The following MAN1A2 variants were observed in gnomAD, a reference collection of about 807,000 sequenced individuals.
MAN1A2 encodes the protein mannosyl-oligosaccharide 1,2-alpha-mannosidase IB.
Under a neutral mutation model 75.7 loss-of-function variants are expected in MAN1A2, and 26 were observed. That is an observed-to-expected ratio of 0.34 (90% CI 0.25 to 0.48). The LOEUF (loss-of-function observed/expected upper bound fraction) is 0.48, where lower values mean the gene tolerates loss of function less well. Among genes scored for constraint, MAN1A2 ranks in the 20% least tolerant of loss-of-function variants. MAN1A2 has a pLI of 0.99. For missense variants in MAN1A2, 562 were observed against 775.5 expected (o/e 0.72, Z 3.27); for synonymous variants, 247 against 264.6 (o/e 0.93, Z 0.65).
At chr1:117,466,208 AAC>A in intron 7 of MAN1A2, 124 bp from the exon 8 acceptor site, 22 of 587,692 alleles carry the variant, frequency 3.7e-5, no homozygotes, top group Admixed American at 1.1e-4. Context: ...CTGCCCCTCC[AAC>A]ACACACACAA....
intron 4 of MAN1A2, among the ~76,000 whole-genome samples, chr1:117,418,818 A>C (rs1648096357): frequency 6.6e-6 from 1 of 152,118 alleles, no homozygotes; most frequent in Admixed American, 6.6e-5. Flanking sequence ...TTACAAATGA[A>C]ACTATTTGAT....
intron 1 of MAN1A2, among the ~76,000 whole-genome samples, chr1:117,380,481 A>T (rs1199787505): frequency 3.9e-5 from 6 of 152,174 alleles, no homozygotes; most frequent in Non-Finnish European, 7.4e-5. Context: ...AAGATTTTTT[A>T]AAAAAGAGTT....
At chr1:117,405,743 C>A in intron 3 of MAN1A2, 98 bp downstream of exon 3, 1 of 769,332 alleles carries the variant, frequency 1.3e-6, no homozygotes, top group Non-Finnish European at 2.3e-6. Flanking sequence ...CTGAGTATTT[C>A]TGTGGAACTA....
intron 5 of MAN1A2, among the ~76,000 whole-genome samples, chr1:117,432,855 T>C (rs1463251885): frequency 2.0e-5 from 3 of 149,842 alleles, no homozygotes; most frequent in African/African-American, 7.3e-5. Flanking sequence ...TTAATACTTG[T>C]AAAGCATAGC....
chr1:117,461,855 C>T (rs577515292), intron 7 of MAN1A2, among the ~76,000 whole-genome samples: 1 of 152,110 alleles, frequency 6.6e-6, no homozygotes, highest in African/African-American at 2.4e-5. Flanking sequence ...CCTTTTTCCT[C>T]CCAGTGGAAC....
At chr1:117,461,227 T>C (rs956104312) in intron 7 of MAN1A2, among the ~76,000 whole-genome samples, 3 of 152,166 alleles carry the variant, frequency 2.0e-5, no homozygotes, top group African/African-American at 4.8e-5. Context: ...TGGAAAAGAA[T>C]GAAATCCTTT....
At chr1:117,520,558 C>T (rs183519000) in intron 12 of MAN1A2, among the ~76,000 whole-genome samples, 3 of 151,988 alleles carry the variant, frequency 2.0e-5, no homozygotes, top group East Asian at 3.9e-4. Flanking sequence ...AGAACTCAGC[C>T]GCTTTTACAA....
intron 5 of MAN1A2, among the ~76,000 whole-genome samples, chr1:117,428,645 T>C (rs1648460687): frequency 6.6e-6 from 1 of 151,920 alleles, no homozygotes; most frequent in Non-Finnish European, 1.5e-5. Context: ...ACACACTTAA[T>C]AGAGAGGTTG....
At position 117,402,353 on chromosome 1, in the gene MAN1A2, C is replaced by T. The variant is rs1024416656; in HGVS notation, c.470C>T (p.Pro157Leu). 1.9e-6 allele frequency: 3 copies of T among 1,613,742 alleles called. No homozygotes were observed. The highest frequency in any genetic ancestry group is 2.2e-5 in the South Asian group (2 of 91,040). The change falls in exon 2 of 13, where the codon CCA (proline) becomes CTA (leucine). Residue 157 changes from proline to leucine, a missense_variant. Physicochemically the swap from Pro to Leu is moderately conservative, Grantham distance 98. This residue lies in a region of MAN1A2 where 434 missense variants were observed against 645.7 expected (regional missense o/e 0.67). Coordinates refer to ENST00000356554, the MANE Select transcript of MAN1A2 (RefSeq NM_006699.5). ...AAGATAAAAGAGAACAAGCCACTGCCACCAGTCCCTATTCCCAACCTTGTA... is the reference window on the plus strand; with the variant it reads ...AAGATAAAAGAGAACAAGCCACTGCTACCAGTCCCTATTCCCAACCTTGTA... Reference protein sequence around the residue: ...EMKIKENKPLPPVPIPNLVGI... With the variant: ...EMKIKENKPLLPVPIPNLVGI...
At chr1:117,505,209 CCTCT>C (rs1359486986) in intron 12 of MAN1A2, among the ~76,000 whole-genome samples, 2 of 151,176 alleles carry the variant, frequency 1.3e-5, no homozygotes, top group Admixed American at 6.6e-5. Context: ...TCAATTAATG[CCTCT>C]CTCTCATTTC....
chr1:117,522,028 G>A (rs1205974769), intron 12 of MAN1A2, among the ~76,000 whole-genome samples: 2 of 151,840 alleles, frequency 1.3e-5, no homozygotes, highest in Non-Finnish European at 2.9e-5. Flanking sequence ...TGGGGAGTTT[G>A]GGGGAAGAGT....
intron 11 of MAN1A2, 35 bp downstream of exon 11, chr1:117,499,589 G>A: frequency 6.5e-7 from 1 of 1,547,598 alleles, no homozygotes; most frequent in Non-Finnish European, 8.8e-7. Flanking sequence ...ATCTGCAAGA[G>A]TGTTAACTCA....
intron 1 of MAN1A2, among the ~76,000 whole-genome samples, chr1:117,375,972 C>T (rs1200536166): frequency 1.4e-5 from 2 of 147,032 alleles, no homozygotes; most frequent in African/African-American, 2.5e-5. Context: ...AGTGCAGTGG[C>T]GCGATCTCGG....
chr1:117,416,913 T>TTG (rs1180259878), intron 4 of MAN1A2, among the ~76,000 whole-genome samples: 1 of 152,068 alleles, frequency 6.6e-6, no homozygotes, highest in African/African-American at 2.4e-5. Context: ...GATTTGGGGA[T>TTG]TGTGTGTCTG....
intron 5 of MAN1A2, among the ~76,000 whole-genome samples, chr1:117,421,646 A>G (rs987770362): frequency 1.3e-5 from 2 of 151,664 alleles, no homozygotes; most frequent in African/African-American, 4.8e-5. Flanking sequence ...TAGAAGAAAT[A>G]TGTTTAAAGA....
At chr1:117,513,547 C>G (rs1651610381) in intron 12 of MAN1A2, among the ~76,000 whole-genome samples, 1 of 151,962 alleles carries the variant, frequency 6.6e-6, no homozygotes, top group African/African-American at 2.4e-5. Flanking sequence ...TACCATTTGG[C>G]TACACTTAAT....
intron 5 of MAN1A2, among the ~76,000 whole-genome samples, chr1:117,426,482 A>T (rs960739774): frequency 6.6e-6 from 1 of 152,150 alleles, no homozygotes; most frequent in Non-Finnish European, 1.5e-5. Context: ...CCCATTGCAA[A>T]TTGAAAACAT....
chr1:117,506,688 T>A (rs897782018), intron 12 of MAN1A2, among the ~76,000 whole-genome samples: 2 of 151,532 alleles, frequency 1.3e-5, no homozygotes, highest in Non-Finnish European at 3.0e-5. Context: ...GAAGAAAGAG[T>A]TTGCTTAACC....
chr1:117,415,375 G>A (rs1381297462), intron 4 of MAN1A2, among the ~76,000 whole-genome samples: 2 of 152,012 alleles, frequency 1.3e-5, no homozygotes, highest in Admixed American at 6.6e-5. Flanking sequence ...CACATCTTTT[G>A]TGATATTTGT....
Sources: gnomAD v4.1 joint callset for allele counts (sites outside exome capture counted in the v4.1 genomes callset) on GRCh38, gnomAD v4.1.1 for gene constraint, gnomAD v4.1.1 regional missense constraint, MANE v1.5 for transcripts, NCBI Gene and HGNC (gene_info 2026-07-23, HGNC 2026-07-21) for gene names.